Variants in PAK3 observed in about 807,000 individuals in gnomAD.
The protein encoded by PAK3 is serine/threonine-protein kinase PAK 3.
In PAK3, 4 loss-of-function variants were observed where a neutral mutation model predicts 41.0. That is an observed-to-expected ratio of 0.10 (90% CI 0.05 to 0.22). PAK3 has a LOEUF of 0.22. PAK3 is among the 10% of genes least tolerant of loss of function. The probability of loss-of-function intolerance (pLI) is 1.00; values close to 1 mark genes in which losing one functional copy is unlikely to be tolerated. For synonymous variants in PAK3, 146 were observed against 139.6 expected (o/e 1.05, Z -0.32); for missense variants, 205 against 409.9 (o/e 0.50, Z 4.32).
chrX:110,964,435 C>T (rs2091041498), intron 1 of PAK3, among the ~76,000 whole-genome samples: 1 of 112,255 alleles, frequency 8.9e-6, no homozygotes, highest in African/African-American at 3.2e-5. Flanking sequence ...CCAGTTGCTG[C>T]TTGATGTAGC....
At chrX:111,118,826 A>G (rs2093516006) in intron 4 of PAK3, among the ~76,000 whole-genome samples, 1 of 112,361 alleles carries the variant, frequency 8.9e-6, no homozygotes, top group African/African-American at 3.2e-5. Flanking sequence ...TAATACAGAC[A>G]TTATTATTCT....
chrX:111,100,934 T>C (rs968887586), intron 3 of PAK3, among the ~76,000 whole-genome samples: 2 of 111,776 alleles, frequency 1.8e-5, no homozygotes, highest in African/African-American at 6.5e-5. Flanking sequence ...CAACATGATG[T>C]AGGCACACAA....
intron 1 of PAK3, among the ~76,000 whole-genome samples, chrX:111,038,384 TCA>T (rs2092420942): frequency 8.9e-6 from 1 of 112,185 alleles, no homozygotes; most frequent in Non-Finnish European, 1.9e-5. Context: ...CATCCTCTGC[TCA>T]CCTGGGCTGG....
chrX:111,075,258 C>T (rs777526283), intron 1 of PAK3, among the ~76,000 whole-genome samples: 2 of 112,593 alleles, frequency 1.8e-5, no homozygotes, highest in Non-Finnish European at 3.8e-5. Flanking sequence ...GAAGGCATTT[C>T]AGAAGTCTTT....
chrX:111,065,624 G>C (rs2092696653), intron 1 of PAK3, among the ~76,000 whole-genome samples: 1 of 111,851 alleles, frequency 8.9e-6, no homozygotes, highest in East Asian at 2.8e-4. Context: ...AATAGTTTCA[G>C]TAGAATTAGT....
At chrX:111,106,549 A>G (rs949061419) in intron 4 of PAK3, among the ~76,000 whole-genome samples, 11 of 110,988 alleles carry the variant, frequency 9.9e-5, no homozygotes, top group Non-Finnish European at 2.1e-4. Context: ...AATCACATTG[A>G]CCCACATCTA....
intron 1 of PAK3, among the ~76,000 whole-genome samples, chrX:111,041,688 C>A (rs2092453977): frequency 9.0e-6 from 1 of 111,126 alleles, no homozygotes; most frequent in East Asian, 2.9e-4. Flanking sequence ...CTTCCCACCT[C>A]TCTTCCATAC....
intron 3 of PAK3, among the ~76,000 whole-genome samples, chrX:111,102,133 A>G (rs1442182420): frequency 2.7e-5 from 3 of 111,429 alleles, no homozygotes; most frequent in Non-Finnish European, 5.7e-5. Flanking sequence ...GGAAGGGGAA[A>G]GGAAAGCAGA....
intron 1 of PAK3, among the ~76,000 whole-genome samples, chrX:111,049,335 A>G (rs1005718397): frequency 8.9e-6 from 1 of 112,074 alleles, no homozygotes; most frequent in African/African-American, 3.2e-5. Context: ...TTATTACCCA[A>G]TCCCCACACA....
chrX:110,946,948 G>A lies in PAK3; in HGVS notation c.-28+2320G>A, dbSNP rs1264260117. On this transcript the variant is annotated intron_variant, in intron 1 of 14. Coordinates refer to the PAK3 transcript ENST00000425146. The stretch of plus-strand genomic sequence containing the variant: ...CTGTGCTGTATGTTAGTTTTAAAAT[G>A]GATATATAATAACTGCTCTAATGCT... Among the ~76,000 whole-genome samples, 3 of 112,088 alleles carry A rather than the reference G, an allele frequency of 2.7e-5. No individual in the cohort carries two copies. The Admixed American group carries it at 2.8e-4, about 11-fold the overall frequency.
chrX:111,217,346 G>A (rs755796284), intron 17 of PAK3, among the ~76,000 whole-genome samples: 7 of 111,924 alleles, frequency 6.3e-5, no homozygotes, highest in African/African-American at 2.3e-4. Flanking sequence ...TAGCTTCACT[G>A]CTGGGGAGTG....
At chrX:111,158,907 T>C (rs1603316622) in intron 8 of PAK3, among the ~76,000 whole-genome samples, 1 of 111,508 alleles carries the variant, frequency 9.0e-6, no homozygotes, top group East Asian at 2.8e-4. Flanking sequence ...GTAGGCAGAC[T>C]GATCTTTGTA....
intron 1 of PAK3, among the ~76,000 whole-genome samples, chrX:111,004,274 C>T (rs1017571099): frequency 1.2e-4 from 13 of 111,303 alleles, no homozygotes; most frequent in African/African-American, 3.6e-4. Flanking sequence ...ATGGGAACAG[C>T]GGCAAGGGAT....
At chrX:111,166,493 A>T (rs12006587) in intron 10 of PAK3, among the ~76,000 whole-genome samples, 16,876 of 110,141 alleles carry the variant, frequency 0.15, 2,725 homozygotes, top group African/African-American at 0.48. Flanking sequence ...ACAGATGGGA[A>T]CTTGCTGTGT....
At chrX:111,212,005 T>C (rs1002274122) in intron 16 of PAK3, among the ~76,000 whole-genome samples, 1 of 111,731 alleles carries the variant, frequency 9.0e-6, no homozygotes, top group African/African-American at 3.3e-5. Flanking sequence ...ACAACAGGGA[T>C]AGAGAGAAGT....
chrX:111,077,745 C>G (rs1435614303), intron 1 of PAK3, among the ~76,000 whole-genome samples: 1 of 111,664 alleles, frequency 9.0e-6, no homozygotes. Flanking sequence ...TGACATTGAT[C>G]TGGGCAATGA....
chrX:111,165,432 A>G (rs1255749958), intron 10 of PAK3, among the ~76,000 whole-genome samples: 3 of 112,004 alleles, frequency 2.7e-5, no homozygotes, highest in African/African-American at 9.7e-5. Context: ...GAATGAAAGT[A>G]AGCTTTAAAA....
chrX:111,171,481 G>A (rs1380194754), intron 10 of PAK3, among the ~76,000 whole-genome samples: 1 of 111,228 alleles, frequency 9.0e-6, no homozygotes, highest in Non-Finnish European at 1.9e-5. Flanking sequence ...ACACTGCATT[G>A]AAGAGTCAAT....
intron 17 of PAK3, among the ~76,000 whole-genome samples, chrX:111,218,747 G>C (rs189742963): frequency 6.5e-4 from 73 of 111,474 alleles, no homozygotes; most frequent in South Asian, 1.5e-3. Flanking sequence ...ATGTCTGAGG[G>C]ACAAGCATGA....
Sources: gnomAD v4.1 joint callset for allele counts (sites outside exome capture counted in the v4.1 genomes callset) on GRCh38, gnomAD v4.1.1 for gene constraint, MANE v1.5 for transcripts, NCBI Gene and HGNC (gene_info 2026-07-23, HGNC 2026-07-21) for gene names.